Variants in TNNI3K observed in about 807,000 individuals in gnomAD.
TNNI3K encodes the protein serine/threonine-protein kinase TNNI3K.
In TNNI3K, 140 loss-of-function variants were observed where a neutral mutation model predicts 114.5. The ratio of observed to expected loss-of-function variants is 1.22; its 90% CI spans 1.07 to 1.41. TNNI3K has a LOEUF of 1.41. Among genes scored for constraint, TNNI3K ranks in the 40% most tolerant of loss-of-function variants. The pLI is 0.00. For missense variants in TNNI3K, 1,125 were observed against 1,007.6 expected (o/e 1.12, Z -1.58); for synonymous variants, 347 against 347.5 (o/e 1.00, Z 0.02).
chr1:74,374,575 A>G (rs1662799500), intron 17 of TNNI3K: 1 of 151,916 alleles, frequency 6.6e-6, no homozygotes, highest in African/African-American at 2.4e-5. Context: ...AATCTTTTAA[A>G]AAGTCAATTC....
intron 5 of TNNI3K, among the ~76,000 whole-genome samples, chr1:74,284,162 A>AG (rs1657183856): frequency 6.6e-6 from 1 of 152,196 alleles, no homozygotes; most frequent in Non-Finnish European, 1.5e-5. Flanking sequence ...GTAAAATAAC[A>AG]AGTGGGGGCT....
chr1:74,429,819 C>G (rs2100651606), intron 17 of TNNI3K, among the ~76,000 whole-genome samples: 1 of 152,214 alleles, frequency 6.6e-6, no homozygotes, highest in East Asian at 1.9e-4. Flanking sequence ...TCCAGGCATG[C>G]TCACAGCCAT....
In TNNI3K at chr1:74,235,507, A is replaced by T. The variant is rs201547639; in HGVS notation, c.40+16A>T. 15 of 1,326,156 alleles carry T rather than the reference A, an allele frequency of 1.1e-5. No individual in the cohort carries two copies. In the South Asian group the frequency reaches 1.7e-4, roughly 15 times the overall value. The allele number at this position is 1,326,156 out of a possible 1,614,324, so 82.1% of individuals were successfully genotyped here. On this transcript the variant is annotated intron_variant, in intron 1 of 24. Coordinates refer to ENST00000326637, the MANE Select transcript of TNNI3K (RefSeq NM_015978.3). ...ACTTGTACTGGTAATTATTCTAATT[A>T]TTCTTATTTCCTTAAGTGTAATATG...
At chr1:74,337,297 G>A (rs1414994813) in intron 7 of TNNI3K, among the ~76,000 whole-genome samples, 1 of 151,240 alleles carries the variant, frequency 6.6e-6, no homozygotes, top group African/African-American at 2.4e-5. Flanking sequence ...CCATTTTGTA[G>A]GTTGCCTGTT....
At chr1:74,476,201 T>C (rs1280746718) in intron 21 of TNNI3K, among the ~76,000 whole-genome samples, 1 of 152,174 alleles carries the variant, frequency 6.6e-6, no homozygotes, top group Non-Finnish European at 1.5e-5. Flanking sequence ...TGCCTGGTAC[T>C]GTCATTTCAT....
intron 23 of TNNI3K, among the ~76,000 whole-genome samples, chr1:74,507,636 G>A (rs933431957): frequency 1.3e-5 from 2 of 152,052 alleles, no homozygotes; most frequent in Non-Finnish European, 2.9e-5. Context: ...TGTACTTCTT[G>A]TTCTCCTTCA....
intron 5 of TNNI3K, among the ~76,000 whole-genome samples, chr1:74,326,014 G>C (rs1037903179): frequency 1.3e-5 from 2 of 152,128 alleles, no homozygotes; most frequent in African/African-American, 4.8e-5. Flanking sequence ...TAATAAAGGT[G>C]AGACACAGGC....
chr1:74,304,715 G>T (rs1261017137), intron 5 of TNNI3K, among the ~76,000 whole-genome samples: 1 of 152,060 alleles, frequency 6.6e-6, no homozygotes, highest in African/African-American at 2.4e-5. Context: ...AAAATGCTGG[G>T]ATCACATGCA....
chr1:74,367,164 T>C, intron 11 of TNNI3K, 92 bp from the exon 12 acceptor site: 1 of 1,245,550 alleles, frequency 8.0e-7, no homozygotes, highest in Middle Eastern at 2.0e-4. Flanking sequence ...TCCTATGTTG[T>C]AAGCTACTTC....
rs367759806 is a variant in TNNI3K, at chr1:74,354,997, C to T, written c.1177+868C>T. ...AATTGTTATTGAGATATATTTGCCTCATAAGCAAGCTCTCCATATACACAT... is the reference window on the plus strand; with the variant it reads ...AATTGTTATTGAGATATATTTGCCTTATAAGCAAGCTCTCCATATACACAT... On this transcript the variant is annotated intron_variant, in intron 11 of 24. Coordinates refer to ENST00000326637, the MANE Select transcript of TNNI3K (RefSeq NM_015978.3). Among the ~76,000 whole-genome samples, 12 of 152,206 alleles carry T rather than the reference C, an allele frequency of 7.9e-5. No homozygotes were observed. The South Asian group carries it at 1.5e-3, about 18-fold the overall frequency.
chr1:74,284,952 CAT>C (rs1349062384), intron 5 of TNNI3K, among the ~76,000 whole-genome samples: 33 of 152,308 alleles, frequency 2.2e-4, no homozygotes, highest in African/African-American at 6.5e-4. Context: ...CCTGAAAGGA[CAT>C]ATATTGAGCT....
intron 7 of TNNI3K, among the ~76,000 whole-genome samples, chr1:74,340,944 T>C (rs1252151097): frequency 6.6e-5 from 10 of 152,194 alleles, no homozygotes; most frequent in African/African-American, 4.8e-5. Flanking sequence ...GGTTTGTTTG[T>C]AATAACAGCC....
chr1:74,478,145 C>G (rs1485596052), intron 21 of TNNI3K, among the ~76,000 whole-genome samples: 1 of 152,240 alleles, frequency 6.6e-6, no homozygotes. Context: ...ATAGATAACT[C>G]ACCACACGTG....
intron 2 of TNNI3K, among the ~76,000 whole-genome samples, chr1:74,241,947 T>TCACGCCATTCTCCTGCCTC (rs1239511863): frequency 1.3e-5 from 2 of 151,772 alleles, no homozygotes; most frequent in African/African-American, 2.4e-5. Context: ...CCTCCTGGAT[T>TCACGCCATTCTCCTGCCTC]CACGCCATTC....
chr1:74,282,076 A>G (rs745418483), intron 5 of TNNI3K, among the ~76,000 whole-genome samples: 5 of 152,210 alleles, frequency 3.3e-5, no homozygotes, highest in African/African-American at 1.2e-4. Context: ...AGGTTGGCCT[A>G]TGGTTTTCTT....
chr1:74,489,419 T>G (rs1668933676), intron 22 of TNNI3K, among the ~76,000 whole-genome samples, 171 bp downstream of exon 22: 1 of 152,198 alleles, frequency 6.6e-6, no homozygotes, highest in Non-Finnish European at 1.5e-5. Context: ...TAGCTGTATC[T>G]ACAGGGACAA....
At chr1:74,459,513 C>T (rs147486541) in intron 20 of TNNI3K, among the ~76,000 whole-genome samples, 6 of 152,052 alleles carry the variant, frequency 3.9e-5, no homozygotes, top group Admixed American at 2.0e-4. Flanking sequence ...CAAAAGGAAT[C>T]GCATTTTAGA....
chr1:74,483,290 G>C (rs1159306380), intron 21 of TNNI3K: 1 of 717,306 alleles, frequency 1.4e-6, no homozygotes, highest in Non-Finnish European at 2.6e-6. Flanking sequence ...GGTGACAGAG[G>C]GTTACATCTT....
chr1:74,529,683 C>A (rs902267770), intron 23 of TNNI3K, among the ~76,000 whole-genome samples: 24 of 152,170 alleles, frequency 1.6e-4, no homozygotes, highest in Non-Finnish European at 2.9e-5. Context: ...ATTAGATTGT[C>A]AACTTATCTC....
Sources: allele counts gnomAD v4.1 joint callset (sites outside exome capture counted in the v4.1 genomes callset), GRCh38; gene constraint gnomAD v4.1.1; transcripts MANE v1.5; gene names NCBI Gene and HGNC (gene_info 2026-07-23, HGNC 2026-07-21).